ISG20: variants seen among roughly 807,000 people sequenced by gnomAD.
ISG20 encodes interferon stimulated exonuclease gene 20.
A neutral mutation model predicts 11.1 loss-of-function variants in ISG20; 8 were observed. The ratio of observed to expected loss-of-function variants is 0.72; its 90% CI spans 0.42 to 1.30. The LOEUF is 1.30. ISG20 is among the 50% of genes most tolerant of loss of function. The pLI is 0.01. For synonymous variants in ISG20, 110 were observed against 101.7 expected (o/e 1.08, Z -0.49); for missense variants, 243 against 250.2 (o/e 0.97, Z 0.19).
chr15:88,654,998 T>G (rs993798617), intron 3 of ISG20, among the ~76,000 whole-genome samples: 1 of 152,192 alleles, frequency 6.6e-6, no homozygotes, highest in Non-Finnish European at 1.5e-5. Flanking sequence ...GCCTTTCCTT[T>G]CCATTTATTG....
Position 88,643,037 on chromosome 15 carries a change from A to G in ISG20, c.228+3443A>G, listed in dbSNP as rs887772300. Among the ~76,000 whole-genome samples, 5 of 152,022 alleles carry G rather than the reference A, an allele frequency of 3.3e-5. No homozygotes were observed. The highest frequency in any genetic ancestry group is 7.4e-5 in the Non-Finnish European group (5 of 68,014). ...CCAGGAGTTTGAGACCAGCCTGGGCAAGATGGTGAGATCTCCTCTACAAAA... is the reference window on the plus strand; with the variant it reads ...CCAGGAGTTTGAGACCAGCCTGGGCGAGATGGTGAGATCTCCTCTACAAAA... On this transcript the variant is annotated intron_variant, in intron 2 of 3. Transcript: ENST00000306072. This position sits in a 1 kb window ranked among gnomAD's most constrained non-coding sequence, Gnocchi z 4.4.
In ISG20 at chr15:88,639,858, G is replaced by A. The variant is rs953748476; in HGVS notation, c.228+264G>A. Among the ~76,000 whole-genome samples, 2 of 152,202 alleles carry A rather than the reference G, an allele frequency of 1.3e-5. No individual in the cohort carries two copies. Among genetic ancestry groups the A allele is most frequent in the Admixed American group, 1.3e-4 (2 of 15,286 alleles). ...TTGCCGGTCTTAAAATGGGGAAACTGAGTTCCCCCACACAGTGACTTGGGG... is the reference window on the plus strand; with the variant it reads ...TTGCCGGTCTTAAAATGGGGAAACTAAGTTCCCCCACACAGTGACTTGGGG... On this transcript the variant is annotated intron_variant, in intron 2 of 3. Coordinates refer to ENST00000306072, the MANE Select transcript of ISG20 (RefSeq NM_002201.6). The surrounding 1 kb of genome is among the most constrained non-coding windows in gnomAD (Gnocchi z 4.2).
chr15:88,651,772 GAATTGTTGGGAAGATTA>G (rs1326875539), intron 2 of ISG20: 6 of 1,080,890 alleles, frequency 5.6e-6, no homozygotes, highest in Non-Finnish European at 1.1e-6. Flanking sequence ...TGCCATAATA[GAATTGTTGGGAAGATTA>G]AACAACATAA....
At chr15:88,641,231 C>T (rs1287227039) in intron 2 of ISG20, among the ~76,000 whole-genome samples, 1 of 152,144 alleles carries the variant, frequency 6.6e-6, no homozygotes, top group Non-Finnish European at 1.5e-5. Context: ...AACTCCTGAC[C>T]TCAGGTGATC....
intron 2 of ISG20, among the ~76,000 whole-genome samples, chr15:88,641,248 C>T (rs2085507862): frequency 6.6e-6 from 1 of 152,192 alleles, no homozygotes; most frequent in Admixed American, 6.5e-5. Context: ...GATCCGCCCA[C>T]CTCGGCCTCC....
Position 88,655,776 on chromosome 15 carries a change from A to T in ISG20, c.*245A>T. The T allele has an allele frequency of 2.7e-6, 1 of 365,110 alleles. No homozygotes were observed. Among genetic ancestry groups the T allele is most frequent in the South Asian group, 3.6e-5 (1 of 27,960 alleles). 22.6% of individuals were successfully genotyped at this position (365,110 alleles called of 1,614,324 possible). A position where few individuals can be genotyped will look rare whatever the true frequency, so the allele number is the denominator to read the frequency against. The stretch of plus-strand genomic sequence containing the variant: ...AGGTGGGCAAGTATCAATTTCCTTA[A>T]TATCTTGAATCCTGTGGGTCCAAAA... On this transcript the variant is annotated 3_prime_UTR_variant, in exon 4 of 4. Transcript: ENST00000306072.
At chr15:88,649,477 C>T (rs1052013824) in intron 2 of ISG20, 1 of 152,302 alleles carries the variant, frequency 6.6e-6, no homozygotes, top group Non-Finnish European at 1.5e-5. Flanking sequence ...TCCTTCAGGG[C>T]TTTGTGTGAA....
chr15:88,642,210 T>C (rs2058093755), intron 2 of ISG20, among the ~76,000 whole-genome samples: 1 of 152,142 alleles, frequency 6.6e-6, no homozygotes, highest in South Asian at 2.1e-4. Context: ...ATTACAGGTG[T>C]GAATCACTGT....
upstream of ISG20, among the ~76,000 whole-genome samples, chr15:88,637,658 C>T (rs2058006963): frequency 6.6e-6 from 1 of 151,970 alleles, no homozygotes; most frequent in Non-Finnish European, 1.5e-5. Flanking sequence ...CTGACTGAGA[C>T]CCGAGGAGGT....
At chr15:88,635,804 A>G (rs1220272710), upstream of ISG20, among the ~76,000 whole-genome samples, 1 of 152,252 alleles carries the variant, frequency 6.6e-6, no homozygotes. Context: ...CATTCATGAC[A>G]TAAGTAGCTT....
chr15:88,651,915 A>G, intron 2 of ISG20, 195 bp from the exon 3 acceptor site: 4 of 1,417,050 alleles, frequency 2.8e-6, no homozygotes, highest in Non-Finnish European at 3.7e-6. Flanking sequence ...TTGGCACAGA[A>G]TGAAACTATC....
chr15:88,653,328 G>A (rs985442913), intron 3 of ISG20, among the ~76,000 whole-genome samples: 1 of 152,170 alleles, frequency 6.6e-6, no homozygotes, highest in African/African-American at 2.4e-5. Flanking sequence ...TCTGAACAGA[G>A]CCTGGAGGGT....
intron 2 of ISG20, chr15:88,651,687 C>G (rs2058276645): frequency 1.4e-6 from 1 of 710,588 alleles, no homozygotes; most frequent in Non-Finnish European, 1.8e-6. Context: ...AACTTTAATT[C>G]CTCTTTGCCA....
At chr15:88,645,614 T>C (rs2058159207) in intron 2 of ISG20, among the ~76,000 whole-genome samples, 1 of 152,104 alleles carries the variant, frequency 6.6e-6, no homozygotes. Flanking sequence ...CCCCTATCTA[T>C]CTGCCTTTCT....
chr15:88,650,138 AGGAGAC>A lies in ISG20; in HGVS notation c.229-1970_229-1965del. 1 of 987,444 alleles carries A rather than the reference AGGAGAC, an allele frequency of 1.0e-6. No individual in the cohort carries two copies. The highest frequency in any genetic ancestry group is 1.4e-5 in the South Asian group (1 of 72,524). The allele number at this position is 987,444 out of a possible 1,614,324, so 61.2% of individuals were successfully genotyped here. A position where few individuals can be genotyped will look rare whatever the true frequency, so the allele number is the denominator to read the frequency against. ...TAAGGTCGTGGGCTACATGCAGAGA[AGGAGAC>A]GAAGGCTGTCCTAGAGCTGTCCAAA... On this transcript the variant is annotated intron_variant, in intron 2 of 3. Coordinates refer to ENST00000306072, the MANE Select transcript of ISG20 (RefSeq NM_002201.6). The surrounding 1 kb of genome is among the most constrained non-coding windows in gnomAD (Gnocchi z 4.0).
At chr15:88,655,203 G>A (rs1054654362) in intron 3 of ISG20, among the ~76,000 whole-genome samples, 1 of 152,254 alleles carries the variant, frequency 6.6e-6, no homozygotes, top group East Asian at 1.9e-4. Context: ...CAGGAGGCTG[G>A]CTTTCGTGCC....
Position 88,655,438 on chromosome 15 carries a change from G to C in ISG20, c.453G>C (p.Ser151=). Residue 151 remains serine, a synonymous_variant, in exon 4 of 4, where the codon TCG becomes TCC. Transcript: ENST00000306072. ...AGAACAGCCTGCTTGGACACAGCTC[G>C]GTGGAAGATGCGAGGGCAACGATGG... ...SIQNSLLGHS[S]VEDARATMEL... 1 of 1,614,052 alleles carries C rather than the reference G, an allele frequency of 6.2e-7. No homozygotes were observed. The highest frequency in any genetic ancestry group is 2.2e-5 in the East Asian group (1 of 44,876).
intron 2 of ISG20, chr15:88,649,385 T>A (rs1051221601): frequency 3.9e-5 from 6 of 152,166 alleles, no homozygotes; most frequent in African/African-American, 7.2e-5. Flanking sequence ...AAGTGATGGG[T>A]TTCCTGGGAA....
upstream of ISG20, chr15:88,638,680 G>A (rs1200472904): frequency 6.5e-6 from 1 of 153,618 alleles, no homozygotes; most frequent in Non-Finnish European, 1.5e-5. Context: ...CATTCCCTGA[G>A]CTCCAGTCCT....
Sources: gnomAD v4.1 joint callset for allele counts (sites outside exome capture counted in the v4.1 genomes callset) on GRCh38, gnomAD v4.1.1 for gene constraint, Gnocchi (gnomAD v3.1) non-coding constraint, MANE v1.5 for transcripts, NCBI Gene and HGNC (gene_info 2026-07-23, HGNC 2026-07-21) for gene names.